DOCK3: variants seen among roughly 807,000 people sequenced by gnomAD.
DOCK3 encodes the protein dedicator of cytokinesis 3.
DOCK3 carries 60 observed loss-of-function variants against 265.6 expected under a neutral mutation model. That is an observed-to-expected ratio of 0.23 (90% confidence interval 0.18 to 0.28). The LOEUF (loss-of-function observed/expected upper bound fraction) is 0.28. DOCK3 is among the 10% of genes least tolerant of loss of function. The pLI is 1.00. For synonymous variants in DOCK3, 881 were observed against 938.0 expected, an observed-to-expected ratio of 0.94 and a Z score of 1.11; for missense variants, 1,981 against 2,594.3, an observed-to-expected ratio of 0.76 and a Z score of 5.14.
At chr3:51,214,284 G>T (rs1395605336) in intron 14 of DOCK3, 37 bp downstream of exon 14, 2 of 1,609,844 alleles carry the variant, frequency 1.2e-6, no homozygotes, top group Admixed American at 1.7e-5. Context: ...AGGAAGATGG[G>T]TTAGGATGGA....
chr3:51,095,787 C>G (rs1270293867), intron 9 of DOCK3, among the ~76,000 whole-genome samples: 1 of 139,716 alleles, frequency 7.2e-6, no homozygotes, highest in Non-Finnish European at 1.5e-5. Flanking sequence ...GCTCATTAAA[C>G]TAACACCCTT....
intron 32 of DOCK3, among the ~76,000 whole-genome samples, chr3:51,321,704 T>G (rs2083740711): frequency 6.6e-6 from 1 of 151,890 alleles, no homozygotes; most frequent in African/African-American, 2.4e-5. Context: ...ATAGCCAAAT[T>G]GATCAAGCGG....
chr3:50,970,942 TA>T (rs2077206675), intron 5 of DOCK3, among the ~76,000 whole-genome samples: 2 of 74,562 alleles, frequency 2.7e-5, no homozygotes, highest in Admixed American at 1.7e-4. Context: ...TATATATATA[TA>T]TATAATGTGT....
At chr3:51,273,376 C>G (rs1439911362) in intron 24 of DOCK3, among the ~76,000 whole-genome samples, 1 of 152,162 alleles carries the variant, frequency 6.6e-6, no homozygotes, top group Non-Finnish European at 1.5e-5. Context: ...TTGCATCTCA[C>G]TTTCATTGAA....
intron 32 of DOCK3, among the ~76,000 whole-genome samples, chr3:51,328,350 CT>C (rs1386741532): frequency 3.9e-5 from 6 of 152,072 alleles, no homozygotes; most frequent in Non-Finnish European, 8.8e-5. Context: ...TCTTGGGGGC[CT>C]TTTAGCCAGC....
intron 26 of DOCK3, 102 bp from the exon 27 acceptor site, chr3:51,280,004 G>A (rs1014468463): frequency 7.2e-6 from 6 of 834,654 alleles, no homozygotes; most frequent in Non-Finnish European, 1.1e-5. Flanking sequence ...ATGATCATTG[G>A]GGCCATCTCA....
At chr3:50,919,947 T>G (rs2050346879) in intron 4 of DOCK3, among the ~76,000 whole-genome samples, 1 of 152,036 alleles carries the variant, frequency 6.6e-6, no homozygotes, top group Admixed American at 6.6e-5. Context: ...TTATTGAGAG[T>G]TTTTAGCATG....
At chr3:50,787,417 C>T (rs2042238592) in intron 2 of DOCK3, 1 of 413,794 alleles carries the variant, frequency 2.4e-6, no homozygotes, top group Non-Finnish European at 4.4e-6. Flanking sequence ...TGCCTGTAAT[C>T]CCAGCTACTC....
chr3:50,859,233 T>G (rs2046779860), intron 3 of DOCK3, among the ~76,000 whole-genome samples: 1 of 129,494 alleles, frequency 7.7e-6, no homozygotes, highest in African/African-American at 2.9e-5. Context: ...TTTTTTTTTT[T>G]TGAGACGGAA....
intron 4 of DOCK3, chr3:50,901,709 C>A (rs1224410368): frequency 2.2e-6 from 1 of 453,742 alleles, no homozygotes; most frequent in Non-Finnish European, 4.4e-6. Flanking sequence ...TCATGGCTAC[C>A]CTTGGCTAGG....
chr3:50,731,255 C>T (rs1305796208), intron 1 of DOCK3, among the ~76,000 whole-genome samples: 3 of 151,878 alleles, frequency 2.0e-5, no homozygotes, highest in Non-Finnish European at 2.9e-5. Flanking sequence ...CCGAGAAAGG[C>T]AAGGTCAATT....
intron 3 of DOCK3, among the ~76,000 whole-genome samples, chr3:50,872,452 G>A (rs1559750625): frequency 6.6e-6 from 1 of 152,216 alleles, no homozygotes; most frequent in Non-Finnish European, 1.5e-5. Flanking sequence ...AAGCACCTCT[G>A]TGGTCACCAC....
intron 36 of DOCK3, 91 bp downstream of exon 36, chr3:51,338,510 C>A: frequency 7.0e-7 from 1 of 1,427,056 alleles, no homozygotes; most frequent in Non-Finnish European, 9.7e-7. Context: ...CAATACATGG[C>A]TGCAGGCCTA....
At chr3:50,846,159 G>C (rs2046069020) in intron 3 of DOCK3, among the ~76,000 whole-genome samples, 1 of 152,210 alleles carries the variant, frequency 6.6e-6, no homozygotes, top group South Asian at 2.1e-4. Flanking sequence ...GGAGGACAGA[G>C]AAAGAGGAAC....
intron 9 of DOCK3, among the ~76,000 whole-genome samples, chr3:51,090,630 A>G (rs1354767454): frequency 6.6e-6 from 1 of 152,146 alleles, no homozygotes; most frequent in Non-Finnish European, 1.5e-5. Context: ...CTTGGCTATC[A>G]CCACCTCACA....
At chr3:50,894,811 A>G (rs553677138) in intron 4 of DOCK3, among the ~76,000 whole-genome samples, 30 of 152,230 alleles carry the variant, frequency 2.0e-4, no homozygotes, top group South Asian at 1.7e-3. Context: ...TAAGGGAACT[A>G]TGAATAGTGA....
chr3:50,941,636 C>T (rs375190541), intron 5 of DOCK3, among the ~76,000 whole-genome samples: 7 of 152,138 alleles, frequency 4.6e-5, no homozygotes, highest in African/African-American at 1.7e-4. Flanking sequence ...AGCTTTATTT[C>T]TAATAGCATA....
chr3:51,068,236 G>T (rs994932384), intron 6 of DOCK3, among the ~76,000 whole-genome samples: 1 of 152,082 alleles, frequency 6.6e-6, no homozygotes, highest in Non-Finnish European at 1.5e-5. Flanking sequence ...ATGCACTGTT[G>T]TAACGAAATG....
At chr3:51,373,473 A>G (rs1391472985) in intron 49 of DOCK3, among the ~76,000 whole-genome samples, 4 of 152,194 alleles carry the variant, frequency 2.6e-5, no homozygotes, top group Admixed American at 6.5e-5. Flanking sequence ...ATCTGGTACA[A>G]TGAGCACATT....
Sources: allele counts gnomAD v4.1 joint callset (sites outside exome capture counted in the v4.1 genomes callset), GRCh38; gene constraint gnomAD v4.1.1; transcripts MANE v1.5; gene names NCBI Gene and HGNC (gene_info 2026-07-23, HGNC 2026-07-21).